GPC4: variants seen among roughly 807,000 people sequenced by gnomAD.
GPC4 encodes glypican 4, also known as glypican-4.
Under a neutral mutation model 35.0 loss-of-function variants are expected in GPC4, and 10 were observed. The ratio of observed to expected loss-of-function variants is 0.29; its 90% confidence interval spans 0.18 to 0.48. GPC4 has a LOEUF of 0.48. GPC4 is among the 20% of genes least tolerant of loss of function. The pLI, the probability that GPC4 is intolerant of heterozygous loss-of-function variation, is 0.99. For synonymous variants in GPC4, 167 were observed against 170.2 expected (o/e 0.98, Z 0.15); for missense variants, 322 against 451.3 (o/e 0.71, Z 2.60).
Position 133,354,572 on chromosome X carries a change from T to TTTATTTATTTA in GPC4, c.161-15232_161-15231insTAAATAAATAA, listed in dbSNP as rs1235509852. Among the ~76,000 whole-genome samples, 179 of 94,567 alleles carry TTTATTTATTTA rather than the reference T, an allele frequency of 1.9e-3. 1 individual carries two copies. The highest frequency in any genetic ancestry group is 6.5e-3 in the African/African-American group (164 of 25,324). 82.1% of individuals were successfully genotyped at this position (94,567 alleles called of 115,157 possible). On this transcript the variant is annotated intron_variant, in intron 1 of 8. Transcript: ENST00000370828. ...TATTTATTTATTTATTTATTTATTTTTTTTTTTGAGACGGAGTCTCGCTCT... is the reference window on the plus strand; with the variant it reads ...TATTTATTTATTTATTTATTTATTTTTTATTTATTTATTTTTTTGAGACGGAGTCTCGCTCT...
chrX:133,311,817 C>T (rs1337480516), intron 3 of GPC4, among the ~76,000 whole-genome samples: 2 of 111,696 alleles, frequency 1.8e-5, no homozygotes, highest in Non-Finnish European at 3.8e-5. Context: ...CCACCATGCA[C>T]GTCCTGCTAA....
chrX:133,304,954 C>T, intron 6 of GPC4, 93 bp from the exon 7 acceptor site: 1 of 857,085 alleles, frequency 1.2e-6, no homozygotes, highest in South Asian at 2.3e-5. Flanking sequence ...CAAAGTATCT[C>T]CAGAGTGATA....
intron 1 of GPC4, among the ~76,000 whole-genome samples, chrX:133,348,980 C>T (rs2068505255): frequency 8.9e-6 from 1 of 112,110 alleles, no homozygotes; most frequent in African/African-American, 3.2e-5. Context: ...CTGTTAGAGC[C>T]CCAGTGATAC....
At chrX:133,329,338 C>T (rs1041500681) in intron 2 of GPC4, among the ~76,000 whole-genome samples, 3 of 112,070 alleles carry the variant, frequency 2.7e-5, no homozygotes. Flanking sequence ...TTTGTATCTA[C>T]AATCCTTTAA....
rs141244922 is a variant in GPC4 at position 133,330,939 on chromosome X, G to A, written c.320-6403C>T. On this transcript the variant is annotated intron_variant, in intron 2 of 8. Coordinates refer to ENST00000370828, the MANE Select transcript of GPC4 (RefSeq NM_001448.3). ...CCTGGGCAACAGAGTGAGACCCTAA[G>A]TCTAAGCAAAACAAACAAACGAACA... 4.9e-3 allele frequency among the ~76,000 whole-genome samples: 534 copies of A among 107,925 alleles called. 4 individuals carry two copies. Among genetic ancestry groups the A allele is most frequent in the African/African-American group, 0.018 (505 of 28,414 alleles). The allele number at this position is 107,925 out of a possible 115,157, so 93.7% of individuals were successfully genotyped here.
chrX:133,338,323 G>C (rs150636545), intron 2 of GPC4, among the ~76,000 whole-genome samples: 282 of 111,790 alleles, frequency 2.5e-3, no homozygotes, highest in African/African-American at 8.5e-3. Flanking sequence ...TATGTAATTA[G>C]AATGGCCTTT....
intron 1 of GPC4, among the ~76,000 whole-genome samples, chrX:133,369,052 A>G (rs112989350): frequency 0.019 from 2,168 of 112,052 alleles, 55 homozygotes; most frequent in African/African-American, 0.067. Flanking sequence ...CATAAATTAC[A>G]GTATCTTATG....
intron 1 of GPC4, among the ~76,000 whole-genome samples, chrX:133,391,610 T>A (rs1049864678): frequency 8.9e-5 from 10 of 112,092 alleles, no homozygotes; most frequent in Admixed American, 1.9e-4. Flanking sequence ...CCCAAAAAAA[T>A]TGCTTCGTGA....
At chrX:133,342,265 G>A (rs1052895922) in intron 1 of GPC4, among the ~76,000 whole-genome samples, 1 of 110,149 alleles carries the variant, frequency 9.1e-6, no homozygotes, top group Non-Finnish European at 1.9e-5. Context: ...TCGAACTCCT[G>A]ACCTCAGGTG....
intron 1 of GPC4, among the ~76,000 whole-genome samples, chrX:133,340,580 A>G (rs2068462423): frequency 1.8e-5 from 2 of 112,063 alleles, no homozygotes; most frequent in Admixed American, 1.9e-4. Flanking sequence ...CATTCAAACA[A>G]CACTAATCAT....
chrX:133,388,940 G>C (rs1429322485), intron 1 of GPC4, among the ~76,000 whole-genome samples: 1 of 95,959 alleles, frequency 1.0e-5, no homozygotes, highest in Non-Finnish European at 2.0e-5. Context: ...CACCAGCACA[G>C]CTACCCATAG....
rs2068832050 is a variant in GPC4 at position 133,415,027 on chromosome X, A to G, written c.-62T>C. On this transcript the variant is annotated 5_prime_UTR_variant, in exon 1 of 9. Transcript: ENST00000370828. ...ACCGGACGGGAAGCGGCGCTACGGC[A>G]GCGGGCCGAGGGCTGGCGGAGTCGG... 9.0e-7 allele frequency: 1 copy of G among 1,114,225 alleles called. No homozygotes were observed. The highest frequency in any genetic ancestry group is 1.8e-5 in the African/African-American group (1 of 55,933). 91.8% of individuals were successfully genotyped at this position (1,114,225 alleles called of 1,213,427 possible). A position where few individuals can be genotyped will look rare whatever the true frequency, so the allele number is the denominator to read the frequency against.
chrX:133,382,594 T>C (rs2068667283), intron 1 of GPC4, among the ~76,000 whole-genome samples: 1 of 108,080 alleles, frequency 9.3e-6, no homozygotes, highest in African/African-American at 3.4e-5. Context: ...CCAGGCGTGG[T>C]GGCGGGCACC....
chrX:133,322,308 G>C (rs2068368749), intron 3 of GPC4, among the ~76,000 whole-genome samples: 1 of 111,069 alleles, frequency 9.0e-6, no homozygotes, highest in African/African-American at 3.3e-5. Flanking sequence ...GCTGAGTGTG[G>C]TGGCACATGC....
At chrX:133,379,420 G>A (rs975559222) in intron 1 of GPC4, among the ~76,000 whole-genome samples, 2 of 112,052 alleles carry the variant, frequency 1.8e-5, no homozygotes, top group African/African-American at 6.5e-5. Flanking sequence ...GGGGAGGCAG[G>A]AATGAGAAGT....
At chrX:133,368,802 A>T (rs912195884) in intron 1 of GPC4, among the ~76,000 whole-genome samples, 1 of 109,738 alleles carries the variant, frequency 9.1e-6, no homozygotes, top group Non-Finnish European at 1.9e-5. Flanking sequence ...CCGCCACCAC[A>T]CCCAGCTAAT....
At chrX:133,331,310 C>T (rs1183888314) in intron 2 of GPC4, among the ~76,000 whole-genome samples, 3 of 111,158 alleles carry the variant, frequency 2.7e-5, no homozygotes, top group Non-Finnish European at 5.6e-5. Context: ...TCTGTGCATT[C>T]GGAAATGCCC....
At chrX:133,330,571 C>T (rs1295039500) in intron 2 of GPC4, among the ~76,000 whole-genome samples, 1 of 111,037 alleles carries the variant, frequency 9.0e-6, no homozygotes, top group Non-Finnish European at 1.9e-5. Flanking sequence ...CATAATCTCA[C>T]TCTTCTAAAG....
At chrX:133,355,088 GTTC>G (rs2068535765) in intron 1 of GPC4, among the ~76,000 whole-genome samples, 1 of 112,064 alleles carries the variant, frequency 8.9e-6, no homozygotes, top group Non-Finnish European at 1.9e-5. Flanking sequence ...ATAAGAATGA[GTTC>G]TACCAGGCTA....
Sources: allele counts gnomAD v4.1 joint callset (sites outside exome capture counted in the v4.1 genomes callset), GRCh38; gene constraint gnomAD v4.1.1; transcripts MANE v1.5; gene names NCBI Gene and HGNC (gene_info 2026-07-23, HGNC 2026-07-21).